NOL4: variants seen among roughly 807,000 people sequenced by gnomAD.
The protein encoded by NOL4 is nucleolar protein 4.
NOL4 carries 17 observed loss-of-function variants against 75.9 expected under a neutral mutation model. That is an observed-to-expected ratio of 0.22 (90% CI 0.15 to 0.34). The LOEUF (loss-of-function observed/expected upper bound fraction) is 0.34, where lower values mean the gene tolerates loss of function less well. Ranked by LOEUF, NOL4 falls within the 10% of genes least tolerant of loss-of-function variation. The probability of loss-of-function intolerance (pLI) is 1.00; values close to 1 mark genes in which losing one functional copy is unlikely to be tolerated. For synonymous variants in NOL4, 292 were observed against 289.9 expected (o/e 1.01, Z -0.07); for missense variants, 614 against 793.5 (o/e 0.77, Z 2.72).
At position 33,957,381 on chromosome 18, in the gene NOL4, C is replaced by T; in HGVS notation, c.1373G>A (p.Arg458His). 6.2e-7 allele frequency: 1 copy of T among 1,613,722 alleles called. No individual in the cohort carries two copies. The highest frequency in any genetic ancestry group is 8.5e-7 in the Non-Finnish European group (1 of 1,179,792). The change falls in exon 8 of 11, where the codon CGT becomes CAT. Residue 458 changes from arginine (R) to histidine (H), a missense_variant. Arg to His is a conservative substitution (Grantham distance 29, BLOSUM62 0). Coordinates refer to ENST00000261592, the MANE Select transcript of NOL4 (RefSeq NM_003787.5). Reference sequence around the variant, plus strand: ...GCAGGACTTGAGGTAAGTACGTATACGTTTTCTGGCACGCTCTTGATACTC... The same window carrying T: ...GCAGGACTTGAGGTAAGTACGTATATGTTTTCTGGCACGCTCTTGATACTC... ...FPEYQERARK[R>H]IRTYLKSCRR...
chr18:34,092,138 A>T (rs2145534814), intron 5 of NOL4, among the ~76,000 whole-genome samples: 1 of 152,204 alleles, frequency 6.6e-6, no homozygotes, highest in South Asian at 2.1e-4. Flanking sequence ...AGTGATATAC[A>T]TTACTAAGAA....
intron 10 of NOL4, among the ~76,000 whole-genome samples, chr18:33,856,081 G>A (rs1448277869): frequency 1.3e-5 from 2 of 152,012 alleles, no homozygotes; most frequent in Non-Finnish European, 2.9e-5. Context: ...ACGCAGGCAC[G>A]CTTTGTGTCT....
At chr18:33,927,831 T>C (rs2145367613) in intron 9 of NOL4, among the ~76,000 whole-genome samples, 1 of 152,260 alleles carries the variant, frequency 6.6e-6, no homozygotes, top group East Asian at 1.9e-4. Context: ...AACAAGTATG[T>C]GTTCCTCGAG....
chr18:33,939,053 T>C (rs984945994), intron 9 of NOL4, among the ~76,000 whole-genome samples: 10 of 152,156 alleles, frequency 6.6e-5, no homozygotes, highest in African/African-American at 2.2e-4. Flanking sequence ...TCATTGCTTG[T>C]TTTTGTCAGG....
chr18:33,914,213 T>A (rs2066576616), intron 9 of NOL4, among the ~76,000 whole-genome samples: 1 of 151,830 alleles, frequency 6.6e-6, no homozygotes, highest in South Asian at 2.1e-4. Flanking sequence ...GGTTTTTGAG[T>A]AAAGAAGGAA....
At chr18:33,860,028 T>A (rs1309655365) in intron 10 of NOL4, among the ~76,000 whole-genome samples, 1 of 152,058 alleles carries the variant, frequency 6.6e-6, no homozygotes, top group African/African-American at 2.4e-5. Flanking sequence ...TCAGGAAACT[T>A]ACAGTCATGG....
At chr18:34,156,164 T>TTAG (rs762039387) in intron 1 of NOL4, among the ~76,000 whole-genome samples, 14 of 152,274 alleles carry the variant, frequency 9.2e-5, no homozygotes, top group Non-Finnish European at 1.9e-4. Context: ...TTAAAATGTT[T>TTAG]ACCAGAGTAA....
At chr18:34,002,426 T>C (rs748541971) in intron 6 of NOL4, among the ~76,000 whole-genome samples, 1 of 152,118 alleles carries the variant, frequency 6.6e-6, no homozygotes, top group Non-Finnish European at 1.5e-5. Context: ...TTCTTTAGTT[T>C]CCTAATGAGA....
intron 1 of NOL4, among the ~76,000 whole-genome samples, chr18:34,143,554 T>C (rs569339052): frequency 6.6e-6 from 1 of 152,116 alleles, no homozygotes; most frequent in Non-Finnish European, 1.5e-5. Context: ...CTCACTCTTA[T>C]ACAAATTTTA....
At chr18:33,887,684 CT>C (rs1350437992) in intron 9 of NOL4, among the ~76,000 whole-genome samples, 1 of 151,920 alleles carries the variant, frequency 6.6e-6, no homozygotes, top group African/African-American at 2.4e-5. Context: ...GTTTTCTGTC[CT>C]TGTGATAGTT....
At chr18:33,989,920 C>T (rs2072791439) in intron 6 of NOL4, among the ~76,000 whole-genome samples, 1 of 152,002 alleles carries the variant, frequency 6.6e-6, no homozygotes, top group Admixed American at 6.6e-5. Context: ...GATCACATAT[C>T]AGAATATAAA....
At chr18:34,079,997 G>C (rs1369873671) in intron 5 of NOL4, among the ~76,000 whole-genome samples, 1 of 152,214 alleles carries the variant, frequency 6.6e-6, no homozygotes, top group South Asian at 2.1e-4. Flanking sequence ...TAAAGGAGAT[G>C]TGGTAAGCAG....
Position 33,851,863 on chromosome 18 carries a change from A to G in NOL4, c.*979T>C, listed in dbSNP as rs993812492. On this transcript the variant is annotated 3_prime_UTR_variant, in exon 11 of 11. Transcript: ENST00000261592. ...TATTTCTGAAAGAAATGAAAAGAAA[A>G]CTACACACAAGAGTGCAAATTTTCA... 1.3e-5 allele frequency: 2 copies of G among 152,504 alleles called. No homozygotes were observed. The highest frequency in any genetic ancestry group is 2.9e-5 in the Non-Finnish European group (2 of 68,008). 9.4% of individuals were successfully genotyped at this position (152,504 alleles called of 1,614,324 possible).
chr18:34,129,825 T>C, intron 2 of NOL4, 46 bp downstream of exon 2: 1 of 1,497,722 alleles, frequency 6.7e-7, no homozygotes, highest in Non-Finnish European at 8.9e-7. Context: ...ATACATAATA[T>C]CAAGTCTCGA....
chr18:33,955,251 A>G (rs2069558062), intron 8 of NOL4, among the ~76,000 whole-genome samples: 1 of 152,106 alleles, frequency 6.6e-6, no homozygotes, highest in South Asian at 2.1e-4. Context: ...TAATACTTCT[A>G]TTTGTTAAAA....
chr18:33,968,061 G>A (rs2070747558), intron 6 of NOL4, among the ~76,000 whole-genome samples: 2 of 151,962 alleles, frequency 1.3e-5, no homozygotes, highest in African/African-American at 2.4e-5. Flanking sequence ...ACTCCATCCT[G>A]GGTGACAGAG....
rs988151428 is a variant in NOL4 at position 34,223,422 on chromosome 18, G to T, written c.-169C>A. 2 of 878,508 alleles carry T rather than the reference G, an allele frequency of 2.3e-6. No individual in the cohort carries two copies. Among genetic ancestry groups the T allele is most frequent in the South Asian group, 1.8e-5 (1 of 56,936 alleles). 54.4% of individuals were successfully genotyped at this position (878,508 alleles called of 1,614,324 possible). On this transcript the variant is annotated 5_prime_UTR_variant, in exon 1 of 11. Transcript: ENST00000261592. ...GGATGGGAAGAGGGGAGGAGGGTCC[G>T]GTTGGGCACCAGCAATCAATGCCCC...
intron 1 of NOL4, among the ~76,000 whole-genome samples, chr18:34,208,937 C>T (rs1451785243): frequency 4.0e-5 from 6 of 151,786 alleles, no homozygotes; most frequent in Admixed American, 2.0e-4. Context: ...AGGCCAGGTG[C>T]GATGGCTCAT....
At chr18:34,141,482 A>G (rs1351285926) in intron 1 of NOL4, among the ~76,000 whole-genome samples, 1 of 152,224 alleles carries the variant, frequency 6.6e-6, no homozygotes, top group Non-Finnish European at 1.5e-5. Flanking sequence ...GTACCAAAAC[A>G]GAGATATAGA....
Sources: gnomAD v4.1 joint callset for allele counts (sites outside exome capture counted in the v4.1 genomes callset) on GRCh38, gnomAD v4.1.1 for gene constraint, MANE v1.5 for transcripts, NCBI Gene and HGNC (gene_info 2026-07-23, HGNC 2026-07-21) for gene names.